PDE12: variants seen among roughly 807,000 people sequenced by gnomAD.
The protein encoded by PDE12 is phosphodiesterase 12.
A neutral mutation model predicts 45.4 loss-of-function variants in PDE12; 26 were observed. The observed-to-expected ratio is 0.57, with a 90% CI of 0.42 to 0.79. PDE12 has a LOEUF of 0.79. Among genes scored for constraint, PDE12 ranks in the 30% least tolerant of loss-of-function variants. The pLI is 0.00. For missense variants in PDE12, 668 were observed against 790.0 expected (o/e 0.85, Z 1.85); for synonymous variants, 283 against 323.9 (o/e 0.87, Z 1.36).
the PDE12 span, among the ~76,000 whole-genome samples, chr3:57,656,247 C>T: frequency 6.6e-6 from 1 of 152,122 alleles, no homozygotes; most frequent in African/African-American, 2.4e-5. Context: ...TTATCTTTTC[C>T]AGAACATCAT....
the PDE12 span, chr3:57,646,525 A>G: frequency 3.5e-5 from 51 of 1,450,080 alleles, no homozygotes; most frequent in Non-Finnish European, 4.6e-5. Context: ...AAAACTCCAC[A>G]TTGATATAAA....
the PDE12 span, among the ~76,000 whole-genome samples, chr3:57,601,327 C>A: frequency 6.6e-6 from 1 of 151,980 alleles, no homozygotes; most frequent in Non-Finnish European, 1.5e-5. Flanking sequence ...CCAGGCTGGT[C>A]TCGAACTCCT....
At chr3:57,611,371 A>G in the PDE12 span, among the ~76,000 whole-genome samples, 9 of 152,308 alleles carry the variant, frequency 5.9e-5, no homozygotes, top group East Asian at 9.6e-4. Context: ...ACAAAAGCCA[A>G]AATTGACAAA....
chr3:57,561,640 A>C lies in PDE12; in HGVS notation c.*1636A>C. ...GTTATCTCATTTCTGCATTTAATTAATAGCTCGAGTATTAAAAGCCCACTC... is the reference window on the plus strand; with the variant it reads ...GTTATCTCATTTCTGCATTTAATTACTAGCTCGAGTATTAAAAGCCCACTC... On this transcript the variant is annotated 3_prime_UTR_variant, in exon 3 of 3. Transcript: ENST00000311180. The C allele has an allele frequency of 4.1e-6, 4 of 985,178 alleles. No individual in the cohort carries two copies. The highest frequency in any genetic ancestry group is 4.8e-6 in the Non-Finnish European group (4 of 829,774). 61.0% of individuals were successfully genotyped at this position (985,178 alleles called of 1,614,324 possible). A position where few individuals can be genotyped will look rare whatever the true frequency, so the allele number is the denominator to read the frequency against.
At chr3:57,601,172 C>T in the PDE12 span, among the ~76,000 whole-genome samples, 16 of 151,774 alleles carry the variant, frequency 1.1e-4, no homozygotes, top group South Asian at 2.1e-4. Context: ...TGCAGTGGGG[C>T]GATCTTGGCT....
the PDE12 span, among the ~76,000 whole-genome samples, chr3:57,584,705 G>A: frequency 6.6e-6 from 1 of 152,118 alleles, no homozygotes; most frequent in South Asian, 2.1e-4. Flanking sequence ...CAAGTATGTA[G>A]CTGACTTAGG....
At chr3:57,617,331 G>T in the PDE12 span, among the ~76,000 whole-genome samples, 1 of 151,796 alleles carries the variant, frequency 6.6e-6, no homozygotes, top group Non-Finnish European at 1.5e-5. Context: ...TTAAGCCCGG[G>T]AGGTCAAGGA....
chr3:57,641,409 G>C, the PDE12 span, among the ~76,000 whole-genome samples: 1 of 145,230 alleles, frequency 6.9e-6, no homozygotes, highest in South Asian at 2.1e-4. Flanking sequence ...AATTCTATAA[G>C]TGTTATATTA....
At chr3:57,621,519 A>C in the PDE12 span, among the ~76,000 whole-genome samples, 1 of 152,034 alleles carries the variant, frequency 6.6e-6, no homozygotes, top group Admixed American at 6.6e-5. Context: ...AAAATACAAA[A>C]ATTAGCCAGG....
the PDE12 span, among the ~76,000 whole-genome samples, chr3:57,577,982 C>T: frequency 6.6e-6 from 1 of 151,596 alleles, no homozygotes. Context: ...GAGCCCGAGA[C>T]GGAGGTTGCA....
downstream of PDE12, among the ~76,000 whole-genome samples, chr3:57,569,869 A>G (rs112103772): frequency 6.7e-6 from 1 of 150,368 alleles, no homozygotes; most frequent in African/African-American, 2.4e-5. Flanking sequence ...TTCCAATGGT[A>G]CTAAGAGCTG....
At chr3:57,624,689 G>A in the PDE12 span, among the ~76,000 whole-genome samples, 4 of 151,576 alleles carry the variant, frequency 2.6e-5, no homozygotes, top group African/African-American at 9.7e-5. Context: ...GCTTCAACCT[G>A]GGAGGTGGAG....
At chr3:57,596,069 G>A in the PDE12 span, among the ~76,000 whole-genome samples, 1 of 152,176 alleles carries the variant, frequency 6.6e-6, no homozygotes, top group Non-Finnish European at 1.5e-5. Context: ...TCTAGTCCAT[G>A]GAGCTCAGCT....
Position 57,557,512 on chromosome 3 carries a change from A to G in PDE12, c.1133A>G (p.Gln378Arg). 1 of 1,614,144 alleles carries G rather than the reference A, an allele frequency of 6.2e-7. No homozygotes were observed. ...CTCGAGGGGGTGTTTCGAATCAAGC[A>G]GCACGAAGGCCTGGCCACTTTCTAC... is the stretch of plus-strand genomic sequence containing the variant. The part of the protein sequence containing the change: ...FGLEGVFRIK[Q>R]HEGLATFYRK... The change falls in exon 1 of 3, where the codon CAG (glutamine) becomes CGG (arginine). Residue 378 changes from glutamine to arginine, a missense_variant. Transcript: ENST00000311180.
chr3:57,642,028 C>A, the PDE12 span, among the ~76,000 whole-genome samples: 1 of 152,034 alleles, frequency 6.6e-6, no homozygotes, highest in East Asian at 1.9e-4. Context: ...AAATGCACAA[C>A]AATTAGCCGA....
chr3:57,641,270 A>G, the PDE12 span, among the ~76,000 whole-genome samples: 2 of 144,158 alleles, frequency 1.4e-5, no homozygotes, highest in African/African-American at 5.0e-5. Flanking sequence ...TCAATGTTAT[A>G]TTAAAATATA....
the PDE12 span, among the ~76,000 whole-genome samples, chr3:57,603,362 A>G: frequency 2.0e-5 from 3 of 151,826 alleles, no homozygotes; most frequent in Non-Finnish European, 2.9e-5. Flanking sequence ...TTTTTAAGAC[A>G]GAGTCTTGTT....
chr3:57,595,375 C>T, the PDE12 span, among the ~76,000 whole-genome samples: 1 of 152,152 alleles, frequency 6.6e-6, no homozygotes, highest in African/African-American at 2.4e-5. Context: ...CGAAGTCCTC[C>T]CATTAACTTC....
At chr3:57,636,551 A>G in the PDE12 span, among the ~76,000 whole-genome samples, 1 of 152,202 alleles carries the variant, frequency 6.6e-6, no homozygotes, top group Admixed American at 6.5e-5. Context: ...ACAAGATACT[A>G]CGGAGACACA....
Sources: allele counts gnomAD v4.1 joint callset (sites outside exome capture counted in the v4.1 genomes callset), GRCh38; gene constraint gnomAD v4.1.1; transcripts MANE v1.5; gene names NCBI Gene and HGNC (gene_info 2026-07-23, HGNC 2026-07-21).